Variants in LRRIQ4 observed in about 807,000 individuals in gnomAD.
The protein encoded by LRRIQ4 is leucine-rich repeat and IQ domain-containing protein 4.
LRRIQ4 carries 21 observed loss-of-function variants against 40.1 expected under a neutral mutation model. The observed-to-expected ratio is 0.52, with a 90% CI of 0.37 to 0.75. The LOEUF (loss-of-function observed/expected upper bound fraction) is 0.75. LRRIQ4 is among the 30% of genes least tolerant of loss of function. LRRIQ4 has a pLI of 0.00. For synonymous variants in LRRIQ4, 277 were observed against 277.1 expected (o/e 1.00, Z 0.00); for missense variants, 655 against 660.0 (o/e 0.99, Z 0.08).
intron 5 of LRRIQ4, among the ~76,000 whole-genome samples, chr3:169,834,956 G>C (rs1019104247): frequency 3.9e-5 from 6 of 151,970 alleles, no homozygotes; most frequent in Non-Finnish European, 7.4e-5. Flanking sequence ...TTTTAGAACA[G>C]TGTACCAAAA....
intron 1 of LRRIQ4, among the ~76,000 whole-genome samples, chr3:169,818,409 G>C (rs977267910): frequency 6.6e-6 from 1 of 152,170 alleles, no homozygotes; most frequent in African/African-American, 2.4e-5. Context: ...GTTCCTGTTG[G>C]AGGGGATGAT....
In LRRIQ4 at chr3:169,833,259, C is replaced by T. The variant is rs148347762; in HGVS notation, c.1530+76C>T. 60 of 1,237,714 alleles carry T rather than the reference C, an allele frequency of 4.8e-5. No homozygotes were observed. In the East Asian group the frequency reaches 1.3e-3, roughly 26 times the overall value. 76.7% of individuals were successfully genotyped at this position (1,237,714 alleles called of 1,614,324 possible). On this transcript the variant is annotated intron_variant, in intron 5 of 5. Transcript: ENST00000340806. ...GGTAAACACAGTACAGATTATCCTA[C>T]GGAGCAACTCCTTACACCCTTGTCC... is the stretch of plus-strand genomic sequence containing the variant.
intron 5 of LRRIQ4, among the ~76,000 whole-genome samples, chr3:169,835,947 C>T (rs912284786): frequency 2.0e-5 from 3 of 152,184 alleles, no homozygotes; most frequent in African/African-American, 4.8e-5. Context: ...AGAGCCCTTC[C>T]TTGATCCACC....
chr3:169,827,398 G>C (rs1035774917), intron 2 of LRRIQ4, among the ~76,000 whole-genome samples: 1 of 152,040 alleles, frequency 6.6e-6, no homozygotes, highest in African/African-American at 2.4e-5. Flanking sequence ...ACGAGGTCAG[G>C]AGATCGAGAC....
chr3:169,828,739 T>C lies in LRRIQ4; in HGVS notation c.1021-20T>C, dbSNP rs771858248. 9 of 1,599,350 alleles carry C rather than the reference T, an allele frequency of 5.6e-6. No homozygotes were observed. The highest frequency in any genetic ancestry group is 1.8e-5 in the Admixed American group (1 of 55,318). On this transcript the variant is annotated intron_variant, in intron 2 of 5. Transcript: ENST00000340806. ...AAAAATAATCTTGACCTGAAACTTA[T>C]CTTTTTGGAATACTTCTAGTTACCT...
At chr3:169,835,815 G>C (rs1032990274) in intron 5 of LRRIQ4, among the ~76,000 whole-genome samples, 2 of 152,168 alleles carry the variant, frequency 1.3e-5, no homozygotes, top group Non-Finnish European at 2.9e-5. Flanking sequence ...CAAGGACCAA[G>C]CATGTTCCTG....
rs971994292 is a variant in LRRIQ4, at chr3:169,833,181, A to C, written c.1528A>C (p.Lys510Gln). ...ENRNRNIMAT[K>Q]IQAWWRGTMV... Reference sequence around the variant, plus strand: ...CAGAAACAGGAATATAATGGCAACAAAGGTAAAATCAGCCCAGATTCTTGA... The same window carrying C: ...CAGAAACAGGAATATAATGGCAACACAGGTAAAATCAGCCCAGATTCTTGA... The change falls in exon 5 of 6, where the codon AAG becomes CAG. Residue 510 changes from lysine to glutamine, a missense_variant and splice_region_variant. Coordinates refer to ENST00000340806, the MANE Select transcript of LRRIQ4 (RefSeq NM_001080460.3). 6.2e-7 allele frequency: 1 copy of C among 1,611,602 alleles called. No individual in the cohort carries two copies. Among genetic ancestry groups the C allele is most frequent in the Non-Finnish European group, 8.5e-7 (1 of 1,178,786 alleles).
At position 169,823,016 on chromosome 3, in the gene LRRIQ4, A is replaced by G. The variant is rs960911790; in HGVS notation, c.1020+75A>G. On this transcript the variant is annotated intron_variant, in intron 2 of 5. Transcript: ENST00000340806. The stretch of plus-strand genomic sequence containing the variant: ...CTGCCCTAAGTTGGTTCTGTATCTA[A>G]ACAGCAAATTTGAACTGACTTTATG... 22 of 1,301,056 alleles carry G rather than the reference A, an allele frequency of 1.7e-5. No homozygotes were observed. In the African/African-American group the frequency reaches 2.4e-4, roughly 14 times the overall value. 80.6% of individuals were successfully genotyped at this position (1,301,056 alleles called of 1,614,324 possible).
chr3:169,829,040 T>C lies in LRRIQ4; in HGVS notation c.1194+108T>C, dbSNP rs1251177982. ...CACAGGCTGGATGTAGAATCATCCA[T>C]ACTAGATTTCCAGCTTCAGACAAGC... On this transcript the variant is annotated intron_variant, in intron 3 of 5. Transcript: ENST00000340806. 8.1e-6 allele frequency: 8 copies of C among 982,324 alleles called. No homozygotes were observed. In the African/African-American group the frequency reaches 9.9e-5, roughly 12 times the overall value. 60.9% of individuals were successfully genotyped at this position (982,324 alleles called of 1,614,324 possible). A position where few individuals can be genotyped will look rare whatever the true frequency, so the allele number is the denominator to read the frequency against.
chr3:169,822,613 G>A lies in LRRIQ4; in HGVS notation c.692G>A (p.Cys231Tyr). 6.2e-7 allele frequency: 1 copy of A among 1,613,968 alleles called. No individual in the cohort carries two copies. Among genetic ancestry groups the A allele is most frequent in the Non-Finnish European group, 8.5e-7 (1 of 1,179,892 alleles). ...NNLPVLPASL[C>Y]QCSQLSVLDL... ...CTTCCCGTTCTGCCCGCGTCCTTGT[G>A]CCAGTGTAGCCAACTGTCGGTGCTC... The change falls in exon 2 of 6, where the codon TGC (cysteine) becomes TAC (tyrosine). Residue 231 changes from cysteine to tyrosine, a missense_variant. Cys to Tyr is a radical substitution (Grantham distance 194, BLOSUM62 -2). Transcript: ENST00000340806.
At position 169,822,617 on chromosome 3, in the gene LRRIQ4, G is replaced by A; in HGVS notation, c.696G>A (p.Gln232=). The A allele has an allele frequency of 6.2e-7, 1 of 1,613,996 alleles. No individual in the cohort carries two copies. Among genetic ancestry groups the A allele is most frequent in the Non-Finnish European group, 8.5e-7 (1 of 1,179,896 alleles). ...NLPVLPASLC[Q]CSQLSVLDLS... ...CCGTTCTGCCCGCGTCCTTGTGCCA[G>A]TGTAGCCAACTGTCGGTGCTCGATT... Residue 232 remains glutamine (Q), a synonymous_variant, in exon 2 of 6, where the codon CAG becomes CAA. Transcript: ENST00000340806.
At position 169,822,058 on chromosome 3, in the gene LRRIQ4, C is replaced by T. The variant is rs1779904583; in HGVS notation, c.137C>T (p.Thr46Ile). ...SLTAIPLEIFTFTELEEVHLE... is the reference protein window; with the variant it reads ...SLTAIPLEIFIFTELEEVHLE... ...ACTGCCATTCCTTTGGAGATCTTCA[C>T]ATTCACAGAATTAGAAGAAGTGCAT... is the stretch of plus-strand genomic sequence containing the variant. The change falls in exon 2 of 6, where the codon ACA becomes ATA. Residue 46 changes from threonine (T) to isoleucine (I), a missense_variant. Physicochemically the swap from Thr to Ile is moderately conservative, Grantham distance 89. Coordinates refer to ENST00000340806, the MANE Select transcript of LRRIQ4 (RefSeq NM_001080460.3). 1.2e-6 allele frequency: 2 copies of T among 1,604,496 alleles called. No homozygotes were observed. The highest frequency in any genetic ancestry group is 2.2e-5 in the East Asian group (1 of 44,836).
chr3:169,832,183 T>C (rs1393578439), intron 4 of LRRIQ4, among the ~76,000 whole-genome samples: 1 of 150,854 alleles, frequency 6.6e-6, no homozygotes, highest in Non-Finnish European at 1.5e-5. Context: ...TATAAAGAAG[T>C]TGTAGGCCAG....
chr3:169,834,057 T>C (rs981777349), intron 5 of LRRIQ4, among the ~76,000 whole-genome samples: 15 of 152,196 alleles, frequency 9.9e-5, no homozygotes, highest in Non-Finnish European at 1.8e-4. Context: ...AGAAAAGTAA[T>C]TTATATACAA....
At chr3:169,821,416 G>T (rs867094087) in intron 1 of LRRIQ4, among the ~76,000 whole-genome samples, 6 of 152,094 alleles carry the variant, frequency 3.9e-5, no homozygotes, top group Admixed American at 2.0e-4. Context: ...GGGTGGACCT[G>T]AGGTCGGGAG....
In LRRIQ4 at chr3:169,837,710, C is replaced by A; in HGVS notation, c.*79C>A. 1 of 1,077,244 alleles carries A rather than the reference C, an allele frequency of 9.3e-7. No individual in the cohort carries two copies. The highest frequency in any genetic ancestry group is 3.4e-5 in the Admixed American group (1 of 29,536). 66.7% of individuals were successfully genotyped at this position (1,077,244 alleles called of 1,614,324 possible). A position where few individuals can be genotyped will look rare whatever the true frequency, so the allele number is the denominator to read the frequency against. The stretch of plus-strand genomic sequence containing the variant: ...ATATCTAGGAATTAGATGCCTACTA[C>A]ATTAAAATTATTCATAAAATTACAC... On this transcript the variant is annotated 3_prime_UTR_variant, in exon 6 of 6. Coordinates refer to ENST00000340806, the MANE Select transcript of LRRIQ4 (RefSeq NM_001080460.3).
intron 5 of LRRIQ4, among the ~76,000 whole-genome samples, chr3:169,836,833 G>A (rs1048416762): frequency 7.9e-5 from 12 of 152,178 alleles, no homozygotes; most frequent in African/African-American, 2.4e-4. Context: ...GAGGAGGCCC[G>A]CATGGCTGGA....
chr3:169,824,243 G>C (rs992628997), intron 2 of LRRIQ4, among the ~76,000 whole-genome samples: 4 of 152,100 alleles, frequency 2.6e-5, no homozygotes, highest in Admixed American at 2.6e-4. Flanking sequence ...GCAGCTGGAT[G>C]CAGTGGCTCA....
At position 169,832,144 on chromosome 3, in the gene LRRIQ4, G is replaced by C. The variant is rs985599512; in HGVS notation, c.1334-843G>C. ...CTATTTTTCTGTCTCTAATATTTAT[G>C]GACACTGGCTTCAACAACTTTGAAT... On this transcript the variant is annotated intron_variant, in intron 4 of 5. Coordinates refer to ENST00000340806, the MANE Select transcript of LRRIQ4 (RefSeq NM_001080460.3). 3.9e-5 allele frequency among the ~76,000 whole-genome samples: 6 copies of C among 151,942 alleles called. No individual in the cohort carries two copies. The East Asian group carries it at 1.2e-3, about 30-fold the overall frequency.
Sources: allele counts gnomAD v4.1 joint callset (sites outside exome capture counted in the v4.1 genomes callset), GRCh38; gene constraint gnomAD v4.1.1; transcripts MANE v1.5; gene names NCBI Gene and HGNC (gene_info 2026-07-23, HGNC 2026-07-21).